GPC5: variants seen among roughly 807,000 people sequenced by gnomAD.
GPC5 encodes glypican-5.
A neutral mutation model predicts 53.9 loss-of-function variants in GPC5; 47 were observed. That is an observed-to-expected ratio of 0.87 (90% CI 0.69 to 1.11). GPC5 has a LOEUF of 1.11. Ranked by LOEUF, GPC5 falls within the 50% of genes most tolerant of loss-of-function variation. The pLI, the probability that GPC5 is intolerant of heterozygous loss-of-function variation, is 0.00. For synonymous variants in GPC5, 286 were observed against 263.3 expected, an observed-to-expected ratio of 1.09 and a Z score of -0.84; for missense variants, 748 against 713.1, an observed-to-expected ratio of 1.05 and a Z score of -0.56.
At chr13:92,048,339 T>C (rs1312392169) in intron 6 of GPC5, among the ~76,000 whole-genome samples, 1 of 152,054 alleles carries the variant, frequency 6.6e-6, no homozygotes, top group Non-Finnish European at 1.5e-5. Flanking sequence ...GTATTCAAAA[T>C]TGAGATTTGA....
At chr13:92,594,936 T>C (rs1008917251) in intron 7 of GPC5, among the ~76,000 whole-genome samples, 3 of 152,222 alleles carry the variant, frequency 2.0e-5, no homozygotes, top group African/African-American at 7.2e-5. Context: ...TATTGTAATG[T>C]AGCTAAGTAG....
In GPC5 at chr13:92,110,488, C is replaced by T. The variant is rs148912102; in HGVS notation, c.1402-34342C>T. On this transcript the variant is annotated intron_variant, in intron 6 of 7. Coordinates refer to ENST00000377067, the MANE Select transcript of GPC5 (RefSeq NM_004466.6). ...GTCATTGGCAGATGGGCAGCTATTTCCTTTCCACTAGAAATGCATAAGTAA... is the reference window on the plus strand; with the variant it reads ...GTCATTGGCAGATGGGCAGCTATTTTCTTTCCACTAGAAATGCATAAGTAA... Among the ~76,000 whole-genome samples the T allele has an allele frequency of 2.2e-4, 33 of 151,986 alleles. No individual in the cohort carries two copies. In the East Asian group the frequency reaches 6.2e-3, roughly 29 times the overall value.
At chr13:91,674,470 T>TAC (rs1303361295) in intron 2 of GPC5, among the ~76,000 whole-genome samples, 1 of 149,868 alleles carries the variant, frequency 6.7e-6, no homozygotes, top group African/African-American at 2.5e-5. Flanking sequence ...CACGCACATA[T>TAC]ACACACACAC....
chr13:92,223,874 C>A (rs572391251), intron 7 of GPC5, among the ~76,000 whole-genome samples: 3 of 152,010 alleles, frequency 2.0e-5, no homozygotes, highest in African/African-American at 7.3e-5. Context: ...TTGGCCTTAC[C>A]GCTGAGAAGC....
intron 7 of GPC5, among the ~76,000 whole-genome samples, chr13:92,184,972 A>G (rs1273450405): frequency 2.6e-5 from 4 of 152,222 alleles, no homozygotes; most frequent in Non-Finnish European, 5.9e-5. Context: ...AGGTAAAAAC[A>G]ACAGGATTTT....
At chr13:92,620,631 G>A (rs1427562866) in intron 7 of GPC5, among the ~76,000 whole-genome samples, 26 of 152,300 alleles carry the variant, frequency 1.7e-4, no homozygotes, top group Admixed American at 1.6e-3. Flanking sequence ...CAAAGCAGCT[G>A]AAACTGATGG....
At chr13:92,449,101 G>A (rs904473689) in intron 7 of GPC5, 2 of 151,610 alleles carry the variant, frequency 1.3e-5, no homozygotes, top group African/African-American at 2.4e-5. Flanking sequence ...TTTTCTACTA[G>A]GAAATCCTCC....
intron 7 of GPC5, among the ~76,000 whole-genome samples, chr13:92,493,998 C>T (rs1566614972): frequency 6.6e-6 from 1 of 152,090 alleles, no homozygotes; most frequent in Non-Finnish European, 1.5e-5. Context: ...CACATATGGA[C>T]ATTTAATAAT....
At chr13:91,664,495 T>C (rs78435769) in intron 2 of GPC5, among the ~76,000 whole-genome samples, 4,107 of 152,308 alleles carry the variant, frequency 0.027, 166 homozygotes, top group African/African-American at 0.091. Context: ...TTGAGTTTTA[T>C]TTTGGATTAC....
intron 7 of GPC5, among the ~76,000 whole-genome samples, chr13:92,146,328 A>G (rs1166216925): frequency 6.6e-6 from 1 of 152,076 alleles, no homozygotes; most frequent in Non-Finnish European, 1.5e-5. Flanking sequence ...AATAAAGACA[A>G]TGTATTTGGG....
chr13:91,413,840 A>T (rs1390302744), intron 1 of GPC5, among the ~76,000 whole-genome samples: 2 of 152,208 alleles, frequency 1.3e-5, no homozygotes, highest in East Asian at 3.8e-4. Flanking sequence ...CTGAGCTACC[A>T]TAAATAAAAT....
intron 6 of GPC5, among the ~76,000 whole-genome samples, chr13:92,129,409 CATT>C (rs1270248560): frequency 6.6e-6 from 1 of 152,208 alleles, no homozygotes. Context: ...CTAAAACTAA[CATT>C]ATCAGAATAC....
intron 6 of GPC5, among the ~76,000 whole-genome samples, chr13:92,047,403 C>A (rs2040990800): frequency 6.7e-6 from 1 of 150,062 alleles, no homozygotes; most frequent in African/African-American, 2.4e-5. Flanking sequence ...CAAATTTTTT[C>A]TCATTCCTAT....
intron 2 of GPC5, among the ~76,000 whole-genome samples, chr13:91,475,749 A>G (rs73602306): frequency 0.018 from 2,722 of 152,282 alleles, 84 homozygotes; most frequent in African/African-American, 0.061. Context: ...ACTGTGAGAG[A>G]GCAAGTGGAA....
intron 5 of GPC5, among the ~76,000 whole-genome samples, chr13:91,857,571 T>A (rs1388677366): frequency 6.6e-6 from 1 of 151,076 alleles, no homozygotes; most frequent in Non-Finnish European, 1.5e-5. Flanking sequence ...CATAAAGATT[T>A]CTATGGCTGT....
intron 7 of GPC5, among the ~76,000 whole-genome samples, chr13:92,797,089 A>G (rs898149666): frequency 5.3e-5 from 8 of 151,916 alleles, no homozygotes; most frequent in African/African-American, 1.9e-4. Flanking sequence ...TCACTGAAGC[A>G]CTTTGAGGTA....
chr13:92,082,467 AGTTGAG>A (rs1272906079), intron 6 of GPC5, among the ~76,000 whole-genome samples: 1 of 152,158 alleles, frequency 6.6e-6, no homozygotes, highest in African/African-American at 2.4e-5. Flanking sequence ...TAAGTATTAA[AGTTGAG>A]GTGTGTATTA....
intron 7 of GPC5, among the ~76,000 whole-genome samples, chr13:92,333,563 C>A (rs1461428530): frequency 6.6e-6 from 1 of 152,024 alleles, no homozygotes; most frequent in African/African-American, 2.4e-5. Context: ...CTGAAGTTCA[C>A]TTCTGATGTC....
At chr13:91,612,096 A>G (rs2033569444) in intron 2 of GPC5, among the ~76,000 whole-genome samples, 1 of 152,146 alleles carries the variant, frequency 6.6e-6, no homozygotes, top group Non-Finnish European at 1.5e-5. Flanking sequence ...TATATTTTCC[A>G]ACTCTGGAAA....
Sources: allele counts gnomAD v4.1 joint callset (sites outside exome capture counted in the v4.1 genomes callset), GRCh38; gene constraint gnomAD v4.1.1; transcripts MANE v1.5; gene names NCBI Gene and HGNC (gene_info 2026-07-23, HGNC 2026-07-21).